The following ASNS variants were observed in gnomAD, a reference collection of about 807,000 sequenced individuals.
ASNS encodes the protein asparagine synthetase (glutamine-hydrolyzing), also known as asparagine synthetase [glutamine-hydrolyzing].
In ASNS, 37 loss-of-function variants were observed where a neutral mutation model predicts 62.6. The observed-to-expected ratio is 0.59, with a 90% CI of 0.45 to 0.78. ASNS has a LOEUF of 0.78. Ranked by LOEUF, ASNS falls within the 30% of genes least tolerant of loss-of-function variation. The pLI is 0.00. For synonymous variants in ASNS, 207 were observed against 237.9 expected, an observed-to-expected ratio of 0.87 and a Z score of 1.19; for missense variants, 520 against 682.4, an observed-to-expected ratio of 0.76 and a Z score of 2.65.
intron 12 of ASNS, 110 bp from the exon 13 acceptor site, chr7:97,852,578 G>A: frequency 9.7e-7 from 1 of 1,033,612 alleles, no homozygotes. Flanking sequence ...TAACTTGTAT[G>A]AGACCCTTTG....
At chr7:97,892,181 C>T in the ASNS span, among the ~76,000 whole-genome samples, 52 of 152,360 alleles carry the variant, frequency 3.4e-4, no homozygotes, top group African/African-American at 1.3e-3. Context: ...GGCTTGCACC[C>T]TCTGAAGCCA....
the ASNS span, among the ~76,000 whole-genome samples, chr7:97,910,216 T>A: frequency 1.3e-5 from 2 of 152,132 alleles, no homozygotes; most frequent in Non-Finnish European, 2.9e-5. Flanking sequence ...CCCCTAATCA[T>A]CAGACTGGCA....
Position 97,852,052 on chromosome 7 carries a change from T to C in ASNS, c.*207A>G. 3.4e-6 allele frequency: 2 copies of C among 590,608 alleles called. No homozygotes were observed. The highest frequency in any genetic ancestry group is 5.9e-6 in the Non-Finnish European group (2 of 340,948). The allele number at this position is 590,608 out of a possible 1,614,324, so 36.6% of individuals were successfully genotyped here. ...CCCTTTTCCTAGCTTACCCTCCACT[T>C]TACTGTGATACAGCAAAACAGTTCT... On this transcript the variant is annotated 3_prime_UTR_variant, in exon 13 of 13. Coordinates refer to ENST00000394308, the MANE Select transcript of ASNS (RefSeq NM_001673.5).
chr7:97,853,208 A>G lies in ASNS; in HGVS notation c.1328T>C (p.Ile443Thr). ...PPEMRIPKNGIEKHLLRETFE... is the reference protein window; with the variant it reads ...PPEMRIPKNGTEKHLLRETFE... ...CGTCTCTCTCAGGAGATGTTTTTCTATCCCATTCTGACGTGACAAAAAAAG... is the reference window on the plus strand; with the variant it reads ...CGTCTCTCTCAGGAGATGTTTTTCTGTCCCATTCTGACGTGACAAAAAAAG... The change falls in exon 12 of 13, where the codon ATA becomes ACA. Residue 443 changes from isoleucine to threonine, a missense_variant. Physicochemically the swap from Ile to Thr is moderately conservative, Grantham distance 89. Transcript: ENST00000394308. 1 of 1,606,624 alleles carries G rather than the reference A, an allele frequency of 6.2e-7. No homozygotes were observed. Among genetic ancestry groups the G allele is most frequent in the Non-Finnish European group, 8.5e-7 (1 of 1,176,922 alleles).
intron 1 of ASNS, among the ~76,000 whole-genome samples, chr7:97,870,575 C>T (rs908718781): frequency 2.0e-5 from 3 of 152,102 alleles, no homozygotes; most frequent in Admixed American, 6.5e-5. Context: ...AATGAAGTAC[C>T]ACATGTCCTA....
chr7:97,852,547 GA>G, intron 12 of ASNS, 79 bp from the exon 13 acceptor site: 1 of 1,385,280 alleles, frequency 7.2e-7, no homozygotes. Flanking sequence ...TCACGAAACA[GA>G]AAATGTTAAG....
In ASNS at chr7:97,854,659, C is replaced by G; in HGVS notation, c.1159G>C (p.Glu387Gln). 1 of 1,614,086 alleles carries G rather than the reference C, an allele frequency of 6.2e-7. No individual in the cohort carries two copies. The highest frequency in any genetic ancestry group is 8.5e-7 in the Non-Finnish European group (1 of 1,180,000). The change falls in exon 10 of 13, where the codon GAG becomes CAG. Residue 387 changes from glutamate to glutamine, a missense_variant. Transcript: ENST00000394308. ...CTCAGAAGCCTCTCACTCTCCTCCTCGGCTTTTTCAGGAGAAGGAGCCTAT... is the reference window on the plus strand; with the variant it reads ...CTCAGAAGCCTCTCACTCTCCTCCTGGGCTTTTTCAGGAGAAGGAGCCTAT... Reference protein sequence around the residue: ...FHKAPSPEKAEEESERLLREL... With the variant: ...FHKAPSPEKAQEESERLLREL...
the ASNS span, among the ~76,000 whole-genome samples, chr7:97,910,029 G>A: frequency 1.3e-5 from 2 of 152,154 alleles, no homozygotes. Context: ...TCCAGGGGAA[G>A]AACAGACCTG....
chr7:97,872,277 C>G (rs1331109812), intron 1 of ASNS, 74 bp downstream of exon 1: 1 of 148,738 alleles, frequency 6.7e-6, no homozygotes, highest in Non-Finnish European at 1.5e-5. Context: ...CCCCTTCCTT[C>G]CGGAGCAGCC....
chr7:97,904,339 T>A, the ASNS span, among the ~76,000 whole-genome samples: 4 of 145,650 alleles, frequency 2.7e-5, no homozygotes, highest in African/African-American at 1.0e-4. Context: ...AATTCCACCA[T>A]GATTGGTCAG....
chr7:97,884,196 C>T, the ASNS span, among the ~76,000 whole-genome samples: 1 of 152,118 alleles, frequency 6.6e-6, no homozygotes, highest in Non-Finnish European at 1.5e-5. Context: ...TTTCTCCAGC[C>T]TCATTTCCTG....
the ASNS span, among the ~76,000 whole-genome samples, chr7:97,926,475 C>T: frequency 6.6e-6 from 1 of 152,170 alleles, no homozygotes; most frequent in Admixed American, 6.5e-5. Flanking sequence ...ACAGGCTCTC[C>T]TCCTCAAAGA....
chr7:97,896,741 C>CACATATATATAT, the ASNS span, among the ~76,000 whole-genome samples: 70 of 19,756 alleles, frequency 3.5e-3, no homozygotes, highest in Non-Finnish European at 6.0e-3. Context: ...CACACACACA[C>CACATATATATAT]ATATATATAT....
chr7:97,917,216 C>CAAAAAAA, the ASNS span, among the ~76,000 whole-genome samples: 5 of 113,562 alleles, frequency 4.4e-5, no homozygotes, highest in Admixed American at 8.9e-5. Context: ...ATATTTGCAC[C>CAAAAAAA]AAAAAAAAAA....
chr7:97,926,925 G>C, the ASNS span, among the ~76,000 whole-genome samples: 6,340 of 150,616 alleles, frequency 0.042, 299 homozygotes, highest in African/African-American at 0.11. Flanking sequence ...TCTCTCTTTT[G>C]CTTGAAACGG....
chr7:97,901,088 T>C, the ASNS span, among the ~76,000 whole-genome samples: 4 of 152,240 alleles, frequency 2.6e-5, no homozygotes, highest in African/African-American at 9.6e-5. Context: ...AAAAGTGTTC[T>C]TCATTCTAGT....
chr7:97,906,676 T>G, the ASNS span: 3 of 156,770 alleles, frequency 1.9e-5, no homozygotes, highest in Non-Finnish European at 4.2e-5. Flanking sequence ...TTCTAGGTTC[T>G]CCAGAGAAAG....
Position 97,856,685 on chromosome 7 carries a change from C to A in ASNS, c.1030+5G>T. 6.3e-7 allele frequency: 1 copy of A among 1,592,796 alleles called. No individual in the cohort carries two copies. The highest frequency in any genetic ancestry group is 1.4e-5 in the African/African-American group (1 of 73,936). ...TTTTTATTTAAGAATATCATAATAC[C>A]TTACCTACTGAAGCACGAACTGTTG... On this transcript the variant is annotated splice_donor_5th_base_variant and intron_variant, in intron 8 of 12. Coordinates refer to ENST00000394308, the MANE Select transcript of ASNS (RefSeq NM_001673.5).
At chr7:97,924,968 C>T in the ASNS span, among the ~76,000 whole-genome samples, 3 of 152,210 alleles carry the variant, frequency 2.0e-5, no homozygotes, top group Admixed American at 2.0e-4. Context: ...GAAACCCCAT[C>T]TCTACTAAAA....
Sources: allele counts gnomAD v4.1 joint callset (sites outside exome capture counted in the v4.1 genomes callset), GRCh38; gene constraint gnomAD v4.1.1; transcripts MANE v1.5; gene names NCBI Gene and HGNC (gene_info 2026-07-23, HGNC 2026-07-21).